Variants in LSM4 observed in about 807,000 individuals in gnomAD.
LSM4 encodes the protein U6 snRNA-associated Sm-like protein LSm4.
Under a neutral mutation model 22.3 loss-of-function variants are expected in LSM4, and 15 were observed. The ratio of observed to expected loss-of-function variants is 0.67; its 90% CI spans 0.45 to 1.03. The LOEUF is 1.03. Ranked by LOEUF, LSM4 falls within the 50% of genes least tolerant of loss-of-function variation. The probability of loss-of-function intolerance (pLI) is 0.00; values close to 1 mark genes in which losing one functional copy is unlikely to be tolerated. For missense variants in LSM4, 127 were observed against 198.0 expected, an observed-to-expected ratio of 0.64 and a Z score of 2.15; for synonymous variants, 90 against 79.8, an observed-to-expected ratio of 1.13 and a Z score of -0.68.
At position 18,307,319 on chromosome 19, in the gene LSM4, C is replaced by A; in HGVS notation, c.*145G>T. On this transcript the variant is annotated 3_prime_UTR_variant, in exon 5 of 5. Coordinates refer to ENST00000593829, the MANE Select transcript of LSM4 (RefSeq NM_012321.5). ...TGCCGGTTTTAGCAAGAAAAAGGGG[C>A]TTCACCTAAAAGGGAGGGTCACAAA... is the stretch of plus-strand genomic sequence containing the variant. The A allele has an allele frequency of 1.9e-6, 1 of 531,050 alleles. No homozygotes were observed. 32.9% of individuals were successfully genotyped at this position (531,050 alleles called of 1,614,324 possible).
chr19:18,308,136 G>A (rs540426521), intron 4 of LSM4, among the ~76,000 whole-genome samples: 1 of 152,312 alleles, frequency 6.6e-6, no homozygotes, highest in East Asian at 1.9e-4. Flanking sequence ...CCCTGAGGTG[G>A]GAGCATGTGG....
chr19:18,317,692 TTTCA>T (rs1970373022), intron 1 of LSM4, among the ~76,000 whole-genome samples: 1 of 151,860 alleles, frequency 6.6e-6, no homozygotes, highest in Admixed American at 6.6e-5. Flanking sequence ...TAAGGTGAAC[TTTCA>T]AGATTTTTTT....
At chr19:18,321,630 G>C (rs901326707) in intron 1 of LSM4, among the ~76,000 whole-genome samples, 1 of 152,172 alleles carries the variant, frequency 6.6e-6, no homozygotes, top group Non-Finnish European at 1.5e-5. Flanking sequence ...TACCATTTAG[G>C]TAACTTCAGC....
chr19:18,314,519 A>G (rs1418222270), intron 2 of LSM4, among the ~76,000 whole-genome samples: 1 of 151,868 alleles, frequency 6.6e-6, no homozygotes, highest in African/African-American at 2.4e-5. Flanking sequence ...TCCCTCTCAA[A>G]AAAAAAAAAG....
At chr19:18,321,982 ACT>A (rs1278054990) in intron 1 of LSM4, among the ~76,000 whole-genome samples, 1 of 152,028 alleles carries the variant, frequency 6.6e-6, no homozygotes, top group Non-Finnish European at 1.5e-5. Flanking sequence ...CAATAATAAA[ACT>A]CTGGTCTCCT....
At chr19:18,320,215 G>A (rs1320383526) in intron 1 of LSM4, among the ~76,000 whole-genome samples, 1 of 152,214 alleles carries the variant, frequency 6.6e-6, no homozygotes, top group Non-Finnish European at 1.5e-5. Flanking sequence ...ATACATCAAA[G>A]TGCCAGGTGA....
intron 1 of LSM4, among the ~76,000 whole-genome samples, chr19:18,322,194 C>T (rs1389852859): frequency 6.6e-6 from 1 of 152,134 alleles, no homozygotes; most frequent in Non-Finnish European, 1.5e-5. Context: ...CTCCCACTGT[C>T]TCACAGAGTC....
chr19:18,308,449 G>A (rs1970258001), intron 4 of LSM4, among the ~76,000 whole-genome samples: 1 of 152,248 alleles, frequency 6.6e-6, no homozygotes, highest in Non-Finnish European at 1.5e-5. Flanking sequence ...GAACGCTTGA[G>A]GAAATCAAAG....
rs1476404539 is a variant in LSM4, at chr19:18,306,404, G to A, written c.*1060C>T. Reference sequence around the variant, plus strand: ...ACCCGGAGCCTTTCTCGAAAGCGCTGACTCAGTGTCTCAGGTGCGCGCCCG... The same window carrying A: ...ACCCGGAGCCTTTCTCGAAAGCGCTAACTCAGTGTCTCAGGTGCGCGCCCG... On this transcript the variant is annotated 3_prime_UTR_variant, in exon 5 of 5. Transcript: ENST00000593829. The A allele has an allele frequency of 6.6e-6, 1 of 152,192 alleles. No homozygotes were observed. The highest frequency in any genetic ancestry group is 1.5e-5 in the Non-Finnish European group (1 of 68,048). The allele number at this position is 152,192 out of a possible 1,614,324, so 9.4% of individuals were successfully genotyped here. A position where few individuals can be genotyped will look rare whatever the true frequency, so the allele number is the denominator to read the frequency against.
intron 4 of LSM4, 130 bp from the exon 5 acceptor site, chr19:18,307,685 G>C (rs942120158): frequency 1.6e-6 from 1 of 610,546 alleles, no homozygotes; most frequent in African/African-American, 1.9e-5. Context: ...GTGAGGTGGT[G>C]ACTGAGGGTG....
intron 1 of LSM4, among the ~76,000 whole-genome samples, chr19:18,316,922 GTTTTAT>G (rs1030142305): frequency 1.9e-4 from 29 of 152,104 alleles, no homozygotes; most frequent in African/African-American, 3.9e-4. Flanking sequence ...ATCTGAGCTG[GTTTTAT>G]TTTTATTTTT....
chr19:18,312,327 AG>A, intron 3 of LSM4: 1 of 395,686 alleles, frequency 2.5e-6, no homozygotes, highest in Non-Finnish European at 4.7e-6. Context: ...CCCCAGCCTG[AG>A]CCACAGGGAG....
intron 1 of LSM4, among the ~76,000 whole-genome samples, chr19:18,319,926 C>G (rs866661597): frequency 6.6e-6 from 1 of 152,278 alleles, no homozygotes; most frequent in Middle Eastern, 3.4e-3. Context: ...CAAGGCCAGG[C>G]ACATGAGAGG....
intron 2 of LSM4, among the ~76,000 whole-genome samples, chr19:18,314,677 G>C (rs1970335497): frequency 6.6e-6 from 1 of 152,096 alleles, no homozygotes. Flanking sequence ...GCATGCATGG[G>C]AAATATCCGG....
chr19:18,319,543 C>T (rs1970400868), intron 1 of LSM4, among the ~76,000 whole-genome samples: 1 of 152,180 alleles, frequency 6.6e-6, no homozygotes, highest in African/African-American at 2.4e-5. Flanking sequence ...GCCTGGGTGA[C>T]AGTGACACTT....
At chr19:18,318,914 T>C (rs1206895057) in intron 1 of LSM4, among the ~76,000 whole-genome samples, 2 of 152,108 alleles carry the variant, frequency 1.3e-5, no homozygotes, top group Non-Finnish European at 1.5e-5. Context: ...TGCAGTCCCA[T>C]CCAAAAAGCA....
chr19:18,316,108 C>A, intron 1 of LSM4, 43 bp from the exon 2 acceptor site: 1 of 1,599,454 alleles, frequency 6.3e-7, no homozygotes, highest in Non-Finnish European at 8.6e-7. Flanking sequence ...GTTTGACCAG[C>A]GCCTGGGAGC....
chr19:18,316,216 C>G, intron 1 of LSM4, 151 bp from the exon 2 acceptor site: 1 of 620,080 alleles, frequency 1.6e-6, no homozygotes. Context: ...AATGCCATTT[C>G]CTCACTCTGC....
chr19:18,307,476 C>T lies in LSM4; in HGVS notation c.408G>A (p.Ala136=), dbSNP rs2232974. The part of the protein sequence containing the change: ...GQPEKKPGRQ[A]GKQ ...TCTGGGTGGGCGCTCACTGTTTGCC[C>T]GCCTGTCTGCCAGGCTTCTTCTCTG... Residue 136 remains alanine, a synonymous_variant, in exon 5 of 5, where the codon GCG becomes GCA. Coordinates refer to ENST00000593829, the MANE Select transcript of LSM4 (RefSeq NM_012321.5). 8 of 1,547,016 alleles carry T rather than the reference C, an allele frequency of 5.2e-6. No individual in the cohort carries two copies. In the South Asian group the frequency reaches 6.0e-5, roughly 12 times the overall value.
Sources: gnomAD v4.1 joint callset for allele counts (sites outside exome capture counted in the v4.1 genomes callset) on GRCh38, gnomAD v4.1.1 for gene constraint, MANE v1.5 for transcripts, NCBI Gene and HGNC (gene_info 2026-07-23, HGNC 2026-07-21) for gene names.